The following GPC5 variants were observed in gnomAD, a reference collection of about 807,000 sequenced individuals.
GPC5 encodes glypican 5.
In GPC5, 47 loss-of-function variants were observed where a neutral mutation model predicts 53.9. The observed-to-expected ratio is 0.87, with a 90% CI of 0.69 to 1.11. GPC5 has a LOEUF of 1.11. GPC5 is among the 50% of genes most tolerant of loss of function. The probability of loss-of-function intolerance (pLI) is 0.00; values close to 1 mark genes in which losing one functional copy is unlikely to be tolerated. For synonymous variants in GPC5, 286 were observed against 263.3 expected, an observed-to-expected ratio of 1.09 and a Z score of -0.84; for missense variants, 748 against 713.1, an observed-to-expected ratio of 1.05 and a Z score of -0.56.
At chr13:91,413,801 T>C (rs1032760315) in intron 1 of GPC5, among the ~76,000 whole-genome samples, 6 of 152,186 alleles carry the variant, frequency 3.9e-5, no homozygotes, top group Non-Finnish European at 7.4e-5. Context: ...GTGCTCTTTC[T>C]CCGCATTTGG....
intron 7 of GPC5, among the ~76,000 whole-genome samples, chr13:92,415,690 A>G (rs911579079): frequency 6.6e-6 from 1 of 151,484 alleles, no homozygotes; most frequent in Non-Finnish European, 1.5e-5. Flanking sequence ...AAAAAAAAAA[A>G]GAAGTAATAG....
chr13:92,136,159 T>C (rs2041782708), intron 6 of GPC5, among the ~76,000 whole-genome samples: 1 of 152,072 alleles, frequency 6.6e-6, no homozygotes, highest in African/African-American at 2.4e-5. Flanking sequence ...TCAATTGAAA[T>C]ATGTTGTAGA....
intron 7 of GPC5, among the ~76,000 whole-genome samples, chr13:92,373,957 G>T (rs958541753): frequency 2.6e-5 from 4 of 152,080 alleles, no homozygotes; most frequent in African/African-American, 9.7e-5. Context: ...TTACTAAAAT[G>T]CCATTCACAT....
chr13:92,064,756 C>CAAAAAAAAAAAAAAAAAACAAA (rs1175120330), intron 6 of GPC5, among the ~76,000 whole-genome samples: 3 of 33,640 alleles, frequency 8.9e-5, no homozygotes, highest in African/African-American at 2.3e-4. Context: ...GACTCCGTCT[C>CAAAAAAAAAAAAAAAAAACAAA]AAAAAAAAAA....
intron 7 of GPC5, among the ~76,000 whole-genome samples, chr13:92,395,313 A>G (rs1262498286): frequency 1.3e-5 from 2 of 152,140 alleles, no homozygotes; most frequent in African/African-American, 2.4e-5. Flanking sequence ...ATAAATGTTC[A>G]ACTAATTTAA....
chr13:92,140,466 T>C (rs998873678), intron 6 of GPC5, among the ~76,000 whole-genome samples: 1 of 152,192 alleles, frequency 6.6e-6, no homozygotes, highest in African/African-American at 2.4e-5. Flanking sequence ...ACAAATCTCA[T>C]ATAGACAAGA....
intron 6 of GPC5, among the ~76,000 whole-genome samples, chr13:92,110,305 A>G (rs1254777852): frequency 6.6e-6 from 1 of 152,138 alleles, no homozygotes; most frequent in Non-Finnish European, 1.5e-5. Flanking sequence ...CTGCTTCCCT[A>G]TGCTGAGACT....
intron 7 of GPC5, among the ~76,000 whole-genome samples, chr13:92,597,896 A>T (rs1883931109): frequency 6.6e-6 from 1 of 152,214 alleles, no homozygotes; most frequent in Admixed American, 6.5e-5. Context: ...TGCAGAATTA[A>T]CACTTCAGTA....
intron 5 of GPC5, among the ~76,000 whole-genome samples, chr13:91,888,716 A>T (rs1355807582): frequency 6.6e-6 from 1 of 152,160 alleles, no homozygotes; most frequent in African/African-American, 2.4e-5. Context: ...TATTTTACTC[A>T]GAAAATAATC....
At chr13:92,107,541 C>T (rs571265983) in intron 6 of GPC5, among the ~76,000 whole-genome samples, 2 of 152,138 alleles carry the variant, frequency 1.3e-5, no homozygotes, top group East Asian at 1.9e-4. Context: ...TTAATATGCA[C>T]TTCCTTGAGT....
rs545550495 is a variant in GPC5 at position 91,599,508 on chromosome 13, G to A, written c.326-93679G>A. ...GTTTATATAATTCATTCACATAAGA[G>A]TCCAGTCCATAGAAACTATCTAACA... On this transcript the variant is annotated intron_variant, in intron 2 of 7. Coordinates refer to ENST00000377067, the MANE Select transcript of GPC5 (RefSeq NM_004466.6). Among the ~76,000 whole-genome samples, 4 of 151,982 alleles carry A rather than the reference G, an allele frequency of 2.6e-5. No individual in the cohort carries two copies. In the East Asian group the frequency reaches 7.7e-4, roughly 29 times the overall value.
At chr13:92,341,894 A>G (rs2043369832) in intron 7 of GPC5, among the ~76,000 whole-genome samples, 1 of 152,180 alleles carries the variant, frequency 6.6e-6, no homozygotes, top group Admixed American at 6.6e-5. Flanking sequence ...TGTAAGGACA[A>G]TACAATTTAT....
At chr13:92,039,629 A>G (rs1240041400) in intron 6 of GPC5, among the ~76,000 whole-genome samples, 2 of 152,238 alleles carry the variant, frequency 1.3e-5, no homozygotes, top group African/African-American at 4.8e-5. Flanking sequence ...CTTAAATAAT[A>G]CAAATTGTTC....
intron 7 of GPC5, among the ~76,000 whole-genome samples, chr13:92,810,983 G>A (rs921976729): frequency 1.3e-5 from 2 of 151,970 alleles, no homozygotes; most frequent in South Asian, 4.1e-4. Flanking sequence ...GCCTCCCAAA[G>A]TGCTGGGATT....
chr13:91,442,752 A>G (rs1178131464), intron 1 of GPC5, among the ~76,000 whole-genome samples: 1 of 151,336 alleles, frequency 6.6e-6, no homozygotes, highest in Non-Finnish European at 1.5e-5. Flanking sequence ...GGCAGGGACT[A>G]TAGGAGGCAC....
chr13:92,512,678 G>A (rs1880617400), intron 7 of GPC5, among the ~76,000 whole-genome samples: 1 of 152,116 alleles, frequency 6.6e-6, no homozygotes, highest in Non-Finnish European at 1.5e-5. Context: ...AGAAGAGAAG[G>A]GAAGGGTTCA....
chr13:92,663,615 TACTATATATATACTATATATACAC>T (rs1268642341), intron 7 of GPC5, among the ~76,000 whole-genome samples: 5 of 82,438 alleles, frequency 6.1e-5, no homozygotes, highest in South Asian at 5.5e-4. Flanking sequence ...TATATATATC[TACTATATATATACTATATATACAC>T]ACTATATATA....
intron 7 of GPC5, among the ~76,000 whole-genome samples, chr13:92,530,277 G>T (rs1196110289): frequency 6.6e-6 from 1 of 151,936 alleles, no homozygotes; most frequent in South Asian, 2.1e-4. Flanking sequence ...TTTTCATCAC[G>T]CATTAGTTCA....
intron 7 of GPC5, among the ~76,000 whole-genome samples, chr13:92,519,499 G>A (rs1880940763): frequency 6.6e-6 from 1 of 152,210 alleles, no homozygotes; most frequent in South Asian, 2.1e-4. Flanking sequence ...CAACTACGTG[G>A]AAACTGAACA....
Sources: allele counts gnomAD v4.1 joint callset (sites outside exome capture counted in the v4.1 genomes callset), GRCh38; gene constraint gnomAD v4.1.1; transcripts MANE v1.5; gene names NCBI Gene and HGNC (gene_info 2026-07-23, HGNC 2026-07-21).